Variants in NUDCD3 observed in about 807,000 individuals in gnomAD.
NUDCD3 encodes the protein NudC domain containing 3, also known as nudC domain-containing protein 3.
Under a neutral mutation model 39.7 loss-of-function variants are expected in NUDCD3, and 13 were observed. That is an observed-to-expected ratio of 0.33 (90% CI 0.21 to 0.52). The LOEUF (loss-of-function observed/expected upper bound fraction) is 0.52, where lower values mean the gene tolerates loss of function less well. Among genes scored for constraint, NUDCD3 ranks in the 20% least tolerant of loss-of-function variants. The pLI is 0.96. For missense variants in NUDCD3, 453 were observed against 458.1 expected (o/e 0.99, Z 0.10); for synonymous variants, 175 against 172.4 (o/e 1.02, Z -0.12).
At chr7:44,423,602 T>C (rs1411454023) in intron 3 of NUDCD3, among the ~76,000 whole-genome samples, 1 of 152,084 alleles carries the variant, frequency 6.6e-6, no homozygotes, top group Non-Finnish European at 1.5e-5. Context: ...GAAGGACCTC[T>C]TCAAGGAGAA....
rs531751456 is a variant in NUDCD3 at position 44,434,266 on chromosome 7, C to T, written c.510-6563G>A. On this transcript the variant is annotated intron_variant, in intron 2 of 5. Transcript: ENST00000355451. ...CCCCCAGCTGCCAGGTCTGCCCCAA[C>T]GCCAGCAACCCAGACGTAGCCTGGG... Among the ~76,000 whole-genome samples, 14 of 152,244 alleles carry T rather than the reference C, an allele frequency of 9.2e-5. No individual in the cohort carries two copies. The South Asian group carries it at 2.1e-3, about 23-fold the overall frequency.
chr7:44,444,421 G>C (rs1048970394), intron 2 of NUDCD3, among the ~76,000 whole-genome samples: 6 of 152,172 alleles, frequency 3.9e-5, no homozygotes, highest in Admixed American at 2.0e-4. Context: ...AGAACAGAAA[G>C]CTTTTCTGGC....
chr7:44,415,890 C>A (rs747704373), intron 3 of NUDCD3, among the ~76,000 whole-genome samples: 2 of 152,160 alleles, frequency 1.3e-5, no homozygotes, highest in African/African-American at 4.8e-5. Context: ...ATAAACACTG[C>A]TGACAGGCAA....
At chr7:44,486,518 G>A (rs1481752740) in intron 1 of NUDCD3, among the ~76,000 whole-genome samples, 2 of 150,682 alleles carry the variant, frequency 1.3e-5, no homozygotes, top group Admixed American at 1.3e-4. Flanking sequence ...TGTAGGCAGA[G>A]GGGAAAAAAA....
chr7:44,427,465 CT>C (rs1799258090), intron 3 of NUDCD3, 105 bp downstream of exon 3: 1 of 1,310,050 alleles, frequency 7.6e-7, no homozygotes, highest in Non-Finnish European at 1.1e-6. Context: ...ACCTCACATC[CT>C]AAAGCCGATC....
chr7:44,458,841 G>A (rs1409987200), intron 2 of NUDCD3, among the ~76,000 whole-genome samples: 1 of 152,056 alleles, frequency 6.6e-6, no homozygotes, highest in African/African-American at 2.4e-5. Context: ...TGTGATGTGT[G>A]TGCATGCATA....
At position 44,485,155 on chromosome 7, in the gene NUDCD3, G is replaced by C; in HGVS notation, c.322C>G (p.Pro108Ala). Residue 108 changes from proline (P) to alanine (A), a missense_variant, in exon 2 of 6, where the codon CCA becomes GCA. Pro to Ala is a conservative substitution (Grantham distance 27). Coordinates refer to ENST00000355451, the MANE Select transcript of NUDCD3 (RefSeq NM_015332.4). ...ATTTCCTGGACTGGAACTGGGACTGGCTCCTTCTCAGCTGCAGCAGCTGAC... is the reference window on the plus strand; with the variant it reads ...ATTTCCTGGACTGGAACTGGGACTGCCTCCTTCTCAGCTGCAGCAGCTGAC... Reference protein sequence around the residue: ...TVSAAAAEKEPVPVPVQEIEI... With the variant: ...TVSAAAAEKEAVPVPVQEIEI... 3.7e-6 allele frequency: 6 copies of C among 1,614,152 alleles called. No individual in the cohort carries two copies.
intron 2 of NUDCD3, among the ~76,000 whole-genome samples, chr7:44,445,810 C>T (rs990853772): frequency 3.3e-5 from 5 of 152,186 alleles, no homozygotes; most frequent in Non-Finnish European, 5.9e-5. Flanking sequence ...AGAGGTTTTA[C>T]GTGTCTGATT....
At chr7:44,448,314 C>G (rs1030453329) in intron 2 of NUDCD3, among the ~76,000 whole-genome samples, 1 of 152,224 alleles carries the variant, frequency 6.6e-6, no homozygotes, top group Admixed American at 6.5e-5. Context: ...GCCAGGGCAG[C>G]CTTTTCATCA....
chr7:44,483,227 C>T (rs941121430), intron 2 of NUDCD3, among the ~76,000 whole-genome samples: 1 of 152,056 alleles, frequency 6.6e-6, no homozygotes, highest in African/African-American at 2.4e-5. Flanking sequence ...ATATTTCACA[C>T]ACAGGGGAAC....
chr7:44,456,705 A>G (rs1799909996), intron 2 of NUDCD3, among the ~76,000 whole-genome samples: 1 of 151,960 alleles, frequency 6.6e-6, no homozygotes, highest in Non-Finnish European at 1.5e-5. Flanking sequence ...ACAGTGAGCC[A>G]TGATTGCACC....
chr7:44,384,819 G>T lies in NUDCD3; in HGVS notation c.*1192C>A, dbSNP rs1245294479. 1 of 152,238 alleles carries T rather than the reference G, an allele frequency of 6.6e-6. No homozygotes were observed. Among genetic ancestry groups the T allele is most frequent in the Non-Finnish European group, 1.5e-5 (1 of 68,062 alleles). The allele number at this position is 152,238 out of a possible 1,614,324, so 9.4% of individuals were successfully genotyped here. A position where few individuals can be genotyped will look rare whatever the true frequency, so the allele number is the denominator to read the frequency against. On this transcript the variant is annotated 3_prime_UTR_variant, in exon 6 of 6. Coordinates refer to ENST00000355451, the MANE Select transcript of NUDCD3 (RefSeq NM_015332.4). ...GGCGATGGGCACCCAGAGCCCCTGTGAGTACTTGGAACACAGGCCTGAGGA... is the reference window on the plus strand; with the variant it reads ...GGCGATGGGCACCCAGAGCCCCTGTTAGTACTTGGAACACAGGCCTGAGGA...
chr7:44,486,210 C>T lies in NUDCD3; in HGVS notation c.193-926G>A, dbSNP rs552371339. Among the ~76,000 whole-genome samples, 64 of 152,314 alleles carry T rather than the reference C, an allele frequency of 4.2e-4. 1 individual carries two copies. In the South Asian group the frequency reaches 0.013, roughly 31 times the overall value. On this transcript the variant is annotated intron_variant, in intron 1 of 5. Coordinates refer to ENST00000355451, the MANE Select transcript of NUDCD3 (RefSeq NM_015332.4). ...GAGGAAGGAAAGGCTGAGACAGCAA[C>T]CTGGGACATGGGTGGGAGTCAGATT...
At chr7:44,434,246 A>G (rs1427437035) in intron 2 of NUDCD3, among the ~76,000 whole-genome samples, 1 of 152,092 alleles carries the variant, frequency 6.6e-6, no homozygotes, top group African/African-American at 2.4e-5. Flanking sequence ...CTGGGCCCCC[A>G]GCTGCCAGGT....
intron 2 of NUDCD3, among the ~76,000 whole-genome samples, chr7:44,437,416 A>G (rs925302736): frequency 1.3e-5 from 2 of 152,144 alleles, no homozygotes; most frequent in East Asian, 3.9e-4. Context: ...TCTTCTCTCA[A>G]TAAGTTGTAC....
chr7:44,432,326 T>C (rs1322289671), intron 2 of NUDCD3, among the ~76,000 whole-genome samples: 1 of 152,150 alleles, frequency 6.6e-6, no homozygotes, highest in Non-Finnish European at 1.5e-5. Flanking sequence ...AAAAAGCTAG[T>C]GGCAAGTATG....
Position 44,439,536 on chromosome 7 carries a change from C to A in NUDCD3, c.510-11833G>T, listed in dbSNP as rs957747233. Among the ~76,000 whole-genome samples the A allele has an allele frequency of 9.6e-5, 14 of 145,616 alleles. No homozygotes were observed. In the South Asian group the frequency reaches 3.1e-3, roughly 32 times the overall value. On this transcript the variant is annotated intron_variant, in intron 2 of 5. Coordinates refer to ENST00000355451, the MANE Select transcript of NUDCD3 (RefSeq NM_015332.4). Reference sequence around the variant, plus strand: ...ACAATGGCTGATTCTAGGACTGGAACAGAGAAAATACAAGATAAACCCAGA... The same window carrying A: ...ACAATGGCTGATTCTAGGACTGGAAAAGAGAAAATACAAGATAAACCCAGA...
At chr7:44,469,316 A>ATT (rs781555470) in intron 2 of NUDCD3, among the ~76,000 whole-genome samples, 6 of 152,082 alleles carry the variant, frequency 3.9e-5, no homozygotes, top group Non-Finnish European at 8.8e-5. Context: ...GGGAATACTC[A>ATT]TTCTATTTTA....
chr7:44,490,616 A>C lies in NUDCD3; in HGVS notation c.-16T>G, dbSNP rs753616612. 3 of 1,592,200 alleles carry C rather than the reference A, an allele frequency of 1.9e-6. No individual in the cohort carries two copies. In the African/African-American group the frequency reaches 4.0e-5, roughly 21 times the overall value. ...CTGTCTCCATGTCGCCTCCCGCCCT[A>C]GGTACGCTTCACACACACAGCGCCG... is the stretch of plus-strand genomic sequence containing the variant. On this transcript the variant is annotated 5_prime_UTR_variant, in exon 1 of 6. Coordinates refer to ENST00000355451, the MANE Select transcript of NUDCD3 (RefSeq NM_015332.4).
Sources: allele counts gnomAD v4.1 joint callset (sites outside exome capture counted in the v4.1 genomes callset), GRCh38; gene constraint gnomAD v4.1.1; transcripts MANE v1.5; gene names NCBI Gene and HGNC (gene_info 2026-07-23, HGNC 2026-07-21).